TRDN: variants seen among roughly 807,000 people sequenced by gnomAD.
TRDN encodes triadin, also known as triadin in skeletal muscle.
A neutral mutation model predicts 149.7 loss-of-function variants in TRDN; 161 were observed. The observed-to-expected ratio is 1.08, with a 90% CI of 0.95 to 1.23. TRDN has a LOEUF of 1.23. Among genes scored for constraint, TRDN ranks in the 50% most tolerant of loss-of-function variants. The pLI is 0.00. For synonymous variants in TRDN, 294 were observed against 250.5 expected, an observed-to-expected ratio of 1.17 and a Z score of -1.64; for missense variants, 896 against 823.5, an observed-to-expected ratio of 1.09 and a Z score of -1.08.
chr6:123,246,348 A>G (rs1264652736), intron 38 of TRDN, among the ~76,000 whole-genome samples: 1 of 152,154 alleles, frequency 6.6e-6, no homozygotes, highest in Non-Finnish European at 1.5e-5. Flanking sequence ...AGACTAATAC[A>G]GAAGAAAAGA....
At chr6:123,629,884 A>C (rs1785890714) in intron 1 of TRDN, among the ~76,000 whole-genome samples, 1 of 152,168 alleles carries the variant, frequency 6.6e-6, no homozygotes, top group Middle Eastern at 3.4e-3. Context: ...TCCTTTGAAG[A>C]TAAAAATTAC....
chr6:123,374,110 C>A (rs1781421151), intron 19 of TRDN, among the ~76,000 whole-genome samples: 1 of 152,028 alleles, frequency 6.6e-6, no homozygotes, highest in African/African-American at 2.4e-5. Context: ...ATCTCTCAAC[C>A]ATATAGGGAG....
At chr6:123,296,606 T>C (rs1778207545) in intron 24 of TRDN, among the ~76,000 whole-genome samples, 2 of 152,048 alleles carry the variant, frequency 1.3e-5, no homozygotes, top group Admixed American at 1.3e-4. Flanking sequence ...AAATGCCTTC[T>C]GAGCTGTGTA....
chr6:123,281,585 T>C (rs1777585595), intron 24 of TRDN, among the ~76,000 whole-genome samples: 1 of 152,044 alleles, frequency 6.6e-6, no homozygotes, highest in Admixed American at 6.6e-5. Flanking sequence ...CACAATCCTC[T>C]AAGAAACATG....
chr6:123,415,405 G>C (rs1217087302), intron 12 of TRDN, among the ~76,000 whole-genome samples: 1 of 152,130 alleles, frequency 6.6e-6, no homozygotes, highest in East Asian at 1.9e-4. Context: ...TGTAACGTTA[G>C]AACCATTAGA....
At chr6:123,486,990 C>T (rs1237140432) in intron 9 of TRDN, among the ~76,000 whole-genome samples, 1 of 151,818 alleles carries the variant, frequency 6.6e-6, no homozygotes, top group Admixed American at 6.6e-5. Context: ...CTACTATGGG[C>T]AAAATGAGTC....
intron 12 of TRDN, among the ~76,000 whole-genome samples, chr6:123,414,503 C>T (rs2114522582): frequency 6.6e-6 from 1 of 152,126 alleles, no homozygotes; most frequent in East Asian, 1.9e-4. Context: ...TGCATATATA[C>T]AAATATCAGC....
At chr6:123,457,523 A>G in intron 10 of TRDN, 1 of 430,596 alleles carries the variant, frequency 2.3e-6, no homozygotes, top group South Asian at 1.7e-5. Flanking sequence ...TATAGCTCAT[A>G]ATTCATGGGG....
At chr6:123,330,632 G>A (rs1779625541) in intron 23 of TRDN, among the ~76,000 whole-genome samples, 1 of 151,964 alleles carries the variant, frequency 6.6e-6, no homozygotes, top group South Asian at 2.1e-4. Flanking sequence ...AAGCTATGTT[G>A]CTTTAATTTT....
intron 1 of TRDN, among the ~76,000 whole-genome samples, chr6:123,581,256 C>A (rs1225881782): frequency 6.6e-6 from 1 of 152,200 alleles, no homozygotes; most frequent in African/African-American, 2.4e-5. Flanking sequence ...CAGATGTCAA[C>A]TCCTTGACAA....
intron 24 of TRDN, among the ~76,000 whole-genome samples, chr6:123,287,625 G>C (rs1211760532): frequency 6.6e-6 from 1 of 152,098 alleles, no homozygotes; most frequent in Non-Finnish European, 1.5e-5. Context: ...TCAGTCTACT[G>C]AGACATCAAT....
intron 20 of TRDN, among the ~76,000 whole-genome samples, chr6:123,364,433 T>C (rs553827618): frequency 6.6e-6 from 1 of 152,270 alleles, no homozygotes; most frequent in South Asian, 2.1e-4. Flanking sequence ...CGTCAAGAGA[T>C]TGAGACCACC....
intron 19 of TRDN, among the ~76,000 whole-genome samples, chr6:123,374,995 C>T (rs932862078): frequency 6.6e-6 from 1 of 152,110 alleles, no homozygotes; most frequent in African/African-American, 2.4e-5. Flanking sequence ...TTCCATTATG[C>T]TTAAAATAAC....
At chr6:123,501,283 A>G (rs1173001994) in intron 8 of TRDN, among the ~76,000 whole-genome samples, 1 of 152,096 alleles carries the variant, frequency 6.6e-6, no homozygotes, top group African/African-American at 2.4e-5. Context: ...TAAAGGACCT[A>G]TGAGCCTTAT....
At chr6:123,407,839 A>C (rs2114503882) in intron 12 of TRDN, among the ~76,000 whole-genome samples, 1 of 152,262 alleles carries the variant, frequency 6.6e-6, no homozygotes, top group African/African-American at 2.4e-5. Flanking sequence ...ATTGTTATAA[A>C]CCTTGAAAAT....
Position 123,503,712 on chromosome 6 carries a change from T to A in TRDN, c.793+7A>T. The A allele has an allele frequency of 6.2e-7, 1 of 1,613,678 alleles. No individual in the cohort carries two copies. Among genetic ancestry groups the A allele is most frequent in the Non-Finnish European group, 8.5e-7 (1 of 1,179,778 alleles). On this transcript the variant is annotated splice_region_variant and intron_variant, in intron 8 of 40. Transcript: ENST00000334268. The stretch of plus-strand genomic sequence containing the variant: ...ACCTCCGGCAGCCTCCTGCTCTGAA[T>A]GTTTACCTTTCTGTTCATGCTTTGA...
intron 1 of TRDN, among the ~76,000 whole-genome samples, chr6:123,615,619 T>A (rs1403026813): frequency 2.0e-5 from 3 of 152,144 alleles, no homozygotes; most frequent in Non-Finnish European, 4.4e-5. Context: ...GCAACGTGGA[T>A]GAGCTATGTC....
chr6:123,375,764 C>A, intron 18 of TRDN, 133 bp from the exon 19 acceptor site: 1 of 666,324 alleles, frequency 1.5e-6, no homozygotes, highest in Non-Finnish European at 2.3e-6. Flanking sequence ...AAAATAAGAT[C>A]TGAGAAAAGG....
chr6:123,461,232 T>C (rs1776430920), intron 10 of TRDN, among the ~76,000 whole-genome samples: 1 of 152,172 alleles, frequency 6.6e-6, no homozygotes, highest in African/African-American at 2.4e-5. Flanking sequence ...ACCATGCAAC[T>C]CATTAGTATC....
Sources: allele counts gnomAD v4.1 joint callset (sites outside exome capture counted in the v4.1 genomes callset), GRCh38; gene constraint gnomAD v4.1.1; transcripts MANE v1.5; gene names NCBI Gene and HGNC (gene_info 2026-07-23, HGNC 2026-07-21).